NCAM2: variants seen among roughly 807,000 people sequenced by gnomAD.
NCAM2 encodes N-CAM-2.
Under a neutral mutation model 98.1 loss-of-function variants are expected in NCAM2, and 30 were observed. The ratio of observed to expected loss-of-function variants is 0.31; its 90% CI spans 0.23 to 0.41. The LOEUF is 0.41. NCAM2 is among the 10% of genes least tolerant of loss of function. The probability of loss-of-function intolerance (pLI) is 1.00; values close to 1 mark genes in which losing one functional copy is unlikely to be tolerated. For synonymous variants in NCAM2, 368 were observed against 342.4 expected (o/e 1.07, Z -0.83); for missense variants, 867 against 1,005.8 (o/e 0.86, Z 1.87).
In NCAM2 at chr21:21,468,664, G is replaced by A; in HGVS notation, c.1777G>A (p.Glu593Lys). ...GAAATGTTGTATTGTATATCTAGGT[G>A]AACCAAGTCCTCCATCCATACATGG... is the stretch of plus-strand genomic sequence containing the variant. ...IEIFQTLPVR[E>K]PSPPSIHGQP... is the part of the protein sequence containing the mutation. Residue 593 changes from glutamate to lysine, a missense_variant and splice_region_variant, in exon 14 of 18, where the codon GAA (glutamate) becomes AAA (lysine). Glu to Lys is a moderately conservative substitution (Grantham distance 56). Transcript: ENST00000400546. 1.2e-6 allele frequency: 2 copies of A among 1,609,844 alleles called. No individual in the cohort carries two copies. The highest frequency in any genetic ancestry group is 1.1e-5 in the South Asian group (1 of 90,558).
intron 14 of NCAM2, among the ~76,000 whole-genome samples, chr21:21,469,131 T>C (rs1287066797): frequency 6.6e-6 from 1 of 152,000 alleles, no homozygotes; most frequent in Admixed American, 6.6e-5. Context: ...GGCAATCATA[T>C]GTTAGGTAAT....
intron 11 of NCAM2, among the ~76,000 whole-genome samples, chr21:21,426,861 A>G (rs541479665): frequency 6.6e-6 from 1 of 152,340 alleles, no homozygotes; most frequent in Non-Finnish European, 1.5e-5. Flanking sequence ...TGAAGATTTT[A>G]GCCTGCAATT....
intron 1 of NCAM2, among the ~76,000 whole-genome samples, chr21:21,236,720 C>T (rs8127735): frequency 1 from 152,156 of 152,156 alleles, 76,078 homozygotes; most frequent in Non-Finnish European, 1. Context: ...TAGGTCCTCT[C>T]TCCCATGAGA....
intron 1 of NCAM2, among the ~76,000 whole-genome samples, chr21:21,185,058 G>A (rs1234950929): frequency 6.6e-6 from 1 of 152,074 alleles, no homozygotes; most frequent in Admixed American, 6.5e-5. Flanking sequence ...GCAAAATAAT[G>A]ATACATTTCC....
rs1990144137 is a variant in NCAM2, at chr21:21,539,469, G to T, written c.*1512G>T. 1 of 152,070 alleles carries T rather than the reference G, an allele frequency of 6.6e-6. No homozygotes were observed. The highest frequency in any genetic ancestry group is 6.6e-5 in the Admixed American group (1 of 15,232). 9.4% of individuals were successfully genotyped at this position (152,070 alleles called of 1,614,324 possible). ...TTTTAACATTGCAGAAACCTGCTCT[G>T]GGTGTGTCTCTCTGTAGAGATAACC... On this transcript the variant is annotated 3_prime_UTR_variant, in exon 18 of 18. Coordinates refer to ENST00000400546, the MANE Select transcript of NCAM2 (RefSeq NM_004540.5).
chr21:21,145,643 A>C (rs2067256535), intron 1 of NCAM2, among the ~76,000 whole-genome samples: 1 of 152,196 alleles, frequency 6.6e-6, no homozygotes, highest in South Asian at 2.1e-4. Context: ...GAAGTGGGTA[A>C]GAGGATTATT....
intron 9 of NCAM2, among the ~76,000 whole-genome samples, chr21:21,401,872 G>A (rs2076638016): frequency 6.6e-6 from 1 of 152,152 alleles, no homozygotes; most frequent in Non-Finnish European, 1.5e-5. Flanking sequence ...CTGAACAGAG[G>A]GACCGGCTGG....
rs1427597693 is a variant in NCAM2 at position 21,324,396 on chromosome 21, C to T, written c.633C>T (p.Ile211=). The change falls in exon 6 of 18, where the codon ATC becomes ATT. Residue 211 remains isoleucine, a synonymous_variant. Transcript: ENST00000400546. ...IIVIVNVPPA[I]SMPQKSFNAT... is the part of the protein sequence containing the mutation. ...TCTCTCCTTCAGTGCCGCCAGCAAT[C>T]TCAATGCCTCAGAAATCTTTTAATG... 6.2e-7 allele frequency: 1 copy of T among 1,613,078 alleles called. No homozygotes were observed.
Position 21,542,029 on chromosome 21 carries a change from A to G in NCAM2, c.*4072A>G, listed in dbSNP as rs1231988880. 1.3e-5 allele frequency: 2 copies of G among 151,930 alleles called. No individual in the cohort carries two copies. The highest frequency in any genetic ancestry group is 4.8e-5 in the African/African-American group (2 of 41,442). 9.4% of individuals were successfully genotyped at this position (151,930 alleles called of 1,614,324 possible). The stretch of plus-strand genomic sequence containing the variant: ...GCATATGGATGTATCAACATAGGCT[A>G]AAATTAAATTATGGATGTCGCAGAA... On this transcript the variant is annotated 3_prime_UTR_variant, in exon 18 of 18. Coordinates refer to ENST00000400546, the MANE Select transcript of NCAM2 (RefSeq NM_004540.5).
intron 11 of NCAM2, 112 bp downstream of exon 11, chr21:21,418,681 T>G: frequency 1.2e-6 from 1 of 801,148 alleles, no homozygotes; most frequent in Non-Finnish European, 2.2e-6. Flanking sequence ...ACAATGGATC[T>G]CTTGGAGATA....
chr21:21,487,985 T>C (rs575160527), intron 15 of NCAM2, among the ~76,000 whole-genome samples: 1 of 152,252 alleles, frequency 6.6e-6, no homozygotes, highest in East Asian at 1.9e-4. Context: ...TCCAGAAGCA[T>C]TTTGCAAATG....
Position 21,338,453 on chromosome 21 carries a change from A to G in NCAM2, c.963A>G (p.Val321=), listed in dbSNP as rs759269180. 5 of 1,612,910 alleles carry G rather than the reference A, an allele frequency of 3.1e-6. No individual in the cohort carries two copies. The African/African-American group carries it at 4.0e-5, about 13-fold the overall frequency. The change falls in exon 8 of 18, where the codon GTA becomes GTG. Residue 321 remains valine (V), a synonymous_variant. Coordinates refer to ENST00000400546, the MANE Select transcript of NCAM2 (RefSeq NM_004540.5). ...ATGAGAATGGTCAAGTCACACTCGT[A>G]TGTGATGCGGAAGGGGAGCCTATTC... is the stretch of plus-strand genomic sequence containing the variant. ...TTYENGQVTL[V]CDAEGEPIPE... is the part of the protein sequence containing the mutation.
chr21:21,459,634 A>G (rs948000504), intron 12 of NCAM2, among the ~76,000 whole-genome samples: 12 of 150,990 alleles, frequency 7.9e-5, no homozygotes, highest in Non-Finnish European at 1.3e-4. Context: ...ATAGACATAA[A>G]AAAGAATTGC....
intron 12 of NCAM2, among the ~76,000 whole-genome samples, chr21:21,458,982 A>C (rs2146180848): frequency 6.6e-6 from 1 of 152,290 alleles, no homozygotes. Flanking sequence ...ATATATGAAA[A>C]ATTCATACAA....
intron 15 of NCAM2, among the ~76,000 whole-genome samples, chr21:21,495,388 T>C (rs1423801596): frequency 1.3e-5 from 2 of 151,992 alleles, no homozygotes; most frequent in Non-Finnish European, 2.9e-5. Context: ...GAAATGGGCA[T>C]GGAATAGGAG....
chr21:21,437,914 A>G (rs529496781), intron 12 of NCAM2, among the ~76,000 whole-genome samples: 1 of 151,062 alleles, frequency 6.6e-6, no homozygotes, highest in South Asian at 2.1e-4. Flanking sequence ...AGCACATATT[A>G]TATATATATA....
At chr21:21,017,382 C>T (rs113868110) in intron 1 of NCAM2, among the ~76,000 whole-genome samples, 4 of 126,372 alleles carry the variant, frequency 3.2e-5, no homozygotes, top group Non-Finnish European at 4.7e-5. Flanking sequence ...ACAGATATCA[C>T]GCCACTGCAC....
intron 1 of NCAM2, among the ~76,000 whole-genome samples, chr21:21,143,541 T>C (rs188627315): frequency 1.1e-4 from 16 of 152,336 alleles, no homozygotes; most frequent in Middle Eastern, 3.4e-3. Context: ...TTTTCCTCTG[T>C]GTATAGTTTT....
At chr21:21,447,616 A>C (rs1398229688) in intron 12 of NCAM2, among the ~76,000 whole-genome samples, 1 of 152,086 alleles carries the variant, frequency 6.6e-6, no homozygotes, top group Non-Finnish European at 1.5e-5. Flanking sequence ...CAACCTACAG[A>C]GTGGGAGAAA....
Sources: gnomAD v4.1 joint callset for allele counts (sites outside exome capture counted in the v4.1 genomes callset) on GRCh38, gnomAD v4.1.1 for gene constraint, MANE v1.5 for transcripts, NCBI Gene and HGNC (gene_info 2026-07-23, HGNC 2026-07-21) for gene names.